FNDC3B: variants seen among roughly 807,000 people sequenced by gnomAD.
FNDC3B encodes fibronectin type III domain-containing protein 3B.
Under a neutral mutation model 151.5 loss-of-function variants are expected in FNDC3B, and 12 were observed. The observed-to-expected ratio is 0.08, with a 90% CI of 0.05 to 0.13. FNDC3B has a LOEUF of 0.13. Ranked by LOEUF, FNDC3B falls within the 10% of genes least tolerant of loss-of-function variation. The probability of loss-of-function intolerance (pLI) is 1.00; values close to 1 mark genes in which losing one functional copy is unlikely to be tolerated. For missense variants in FNDC3B, 1,214 were observed against 1,505.3 expected (o/e 0.81, Z 3.20); for synonymous variants, 528 against 549.0 (o/e 0.96, Z 0.54).
At position 172,330,703 on chromosome 3, in the gene FNDC3B, G is replaced by A. The variant is rs1327012557; in HGVS notation, c.1542G>A (p.Gln514=). 2.5e-6 allele frequency: 4 copies of A among 1,612,742 alleles called. No homozygotes were observed. In the South Asian group the frequency reaches 4.4e-5, roughly 18 times the overall value. The change falls in exon 13 of 26, where the codon CAG becomes CAA. Residue 514 remains glutamine (Q), a synonymous_variant. Coordinates refer to ENST00000415807, the MANE Select transcript of FNDC3B (RefSeq NM_022763.4). ...TGATCACCTACACCTTGGAAATTCAGGAGGATGAAAATGTGAGTTTTACAG... is the reference window on the plus strand; with the variant it reads ...TGATCACCTACACCTTGGAAATTCAAGAGGATGAAAATGTGAGTTTTACAG... ...EEVITYTLEI[Q]EDENDNLFHP...
chr3:172,249,901 G>A (rs959906401), intron 5 of FNDC3B, among the ~76,000 whole-genome samples: 4 of 152,148 alleles, frequency 2.6e-5, no homozygotes, highest in Non-Finnish European at 2.9e-5. Context: ...AAATTATGCA[G>A]GGTAACCATA....
At chr3:172,218,165 G>T (rs1726094684) in intron 3 of FNDC3B, among the ~76,000 whole-genome samples, 1 of 149,566 alleles carries the variant, frequency 6.7e-6, no homozygotes, top group Non-Finnish European at 1.5e-5. Flanking sequence ...AAAAAGGGCT[G>T]GTCCTTTGAT....
chr3:172,337,228 T>A, intron 15 of FNDC3B, 102 bp from the exon 16 acceptor site: 3 of 722,174 alleles, frequency 4.2e-6, no homozygotes, highest in South Asian at 4.3e-5. Flanking sequence ...ATGTCTAGAA[T>A]TCAGATAGTA....
intron 18 of FNDC3B, among the ~76,000 whole-genome samples, chr3:172,343,840 T>C (rs1733465184): frequency 6.6e-6 from 1 of 152,224 alleles, no homozygotes; most frequent in Admixed American, 6.5e-5. Context: ...GTTCCTATAA[T>C]TTTGGGATTA....
chr3:172,312,832 ATCCCT>A (rs1390730588), intron 11 of FNDC3B, among the ~76,000 whole-genome samples: 1 of 152,146 alleles, frequency 6.6e-6, no homozygotes, highest in Non-Finnish European at 1.5e-5. Flanking sequence ...TCAGTTCCTC[ATCCCT>A]TCCCTTAGAA....
chr3:172,148,596 AT>A (rs1366607321), intron 3 of FNDC3B: 1 of 152,224 alleles, frequency 6.6e-6, no homozygotes, highest in Admixed American at 6.5e-5. Flanking sequence ...CCATAGTAAC[AT>A]GGAAAATGGA....
At chr3:172,214,478 G>A (rs141312584) in intron 3 of FNDC3B, among the ~76,000 whole-genome samples, 1 of 152,112 alleles carries the variant, frequency 6.6e-6, no homozygotes, top group East Asian at 1.9e-4. Context: ...CTGAAGTGAT[G>A]ATGAGTGAGT....
chr3:172,250,441 A>G (rs1332851371), intron 5 of FNDC3B, among the ~76,000 whole-genome samples: 1 of 152,246 alleles, frequency 6.6e-6, no homozygotes, highest in Non-Finnish European at 1.5e-5. Flanking sequence ...ATTTGTTCAA[A>G]TGTTGGCTCT....
intron 5 of FNDC3B, among the ~76,000 whole-genome samples, chr3:172,248,888 A>C (rs986523307): frequency 6.6e-6 from 1 of 151,444 alleles, no homozygotes; most frequent in African/African-American, 2.4e-5. Context: ...TTTGTAGTCA[A>C]AGAAATTTGA....
chr3:172,277,556 A>G (rs1211358240), intron 6 of FNDC3B, among the ~76,000 whole-genome samples: 7 of 152,188 alleles, frequency 4.6e-5, no homozygotes, highest in African/African-American at 1.7e-4. Flanking sequence ...AAGATACACG[A>G]ATTTTGGGAG....
intron 21 of FNDC3B, among the ~76,000 whole-genome samples, chr3:172,348,284 T>C (rs2108317916): frequency 6.6e-6 from 1 of 152,382 alleles, no homozygotes; most frequent in Admixed American, 6.5e-5. Flanking sequence ...CTGGTCTCTT[T>C]GGAGAAAATA....
At chr3:172,286,223 C>T (rs1244935845) in intron 7 of FNDC3B, among the ~76,000 whole-genome samples, 2 of 152,000 alleles carry the variant, frequency 1.3e-5, no homozygotes, top group Non-Finnish European at 2.9e-5. Flanking sequence ...ATTCTGAATG[C>T]AATTAGATAT....
At chr3:172,107,900 A>C (rs980091960) in intron 1 of FNDC3B, among the ~76,000 whole-genome samples, 1 of 151,334 alleles carries the variant, frequency 6.6e-6, no homozygotes, top group Admixed American at 6.6e-5. Context: ...AGAAAAAAAA[A>C]CATTAAAATT....
At chr3:172,108,501 C>T (rs1719791056) in intron 1 of FNDC3B, among the ~76,000 whole-genome samples, 1 of 152,226 alleles carries the variant, frequency 6.6e-6, no homozygotes, top group Non-Finnish European at 1.5e-5. Context: ...CCTGAGGTCT[C>T]CTCACAGCTG....
At chr3:172,313,644 C>A (rs1338444121) in intron 11 of FNDC3B, among the ~76,000 whole-genome samples, 1 of 152,210 alleles carries the variant, frequency 6.6e-6, no homozygotes, top group African/African-American at 2.4e-5. Flanking sequence ...GTACGCCTAT[C>A]CTCTTGTGCT....
At chr3:172,063,939 A>G (rs1717353804) in intron 1 of FNDC3B, among the ~76,000 whole-genome samples, 1 of 152,152 alleles carries the variant, frequency 6.6e-6, no homozygotes, top group Non-Finnish European at 1.5e-5. Context: ...AGACAGTTAC[A>G]TCATGAGGGT....
At chr3:172,341,732 C>A (rs985064527) in intron 17 of FNDC3B, among the ~76,000 whole-genome samples, 1 of 152,298 alleles carries the variant, frequency 6.6e-6, no homozygotes, top group East Asian at 1.9e-4. Context: ...CTGAGTGGCA[C>A]CTCCTGAAGT....
intron 3 of FNDC3B, among the ~76,000 whole-genome samples, chr3:172,222,249 G>C (rs1319674973): frequency 6.6e-6 from 1 of 152,144 alleles, no homozygotes; most frequent in Non-Finnish European, 1.5e-5. Context: ...ACAAGCACAT[G>C]AATACTCAGA....
intron 3 of FNDC3B, among the ~76,000 whole-genome samples, chr3:172,201,983 A>G (rs1431552509): frequency 6.6e-6 from 1 of 152,254 alleles, no homozygotes; most frequent in Non-Finnish European, 1.5e-5. Flanking sequence ...TAACTTGGAT[A>G]CATGTTGTAC....
Sources: gnomAD v4.1 joint callset for allele counts (sites outside exome capture counted in the v4.1 genomes callset) on GRCh38, gnomAD v4.1.1 for gene constraint, MANE v1.5 for transcripts, NCBI Gene and HGNC (gene_info 2026-07-23, HGNC 2026-07-21) for gene names.